Variants in CDK6 observed in about 807,000 individuals in gnomAD.
The protein encoded by CDK6 is cyclin-dependent kinase 6.
In CDK6, 6 loss-of-function variants were observed where a neutral mutation model predicts 37.1. The ratio of observed to expected loss-of-function variants is 0.16; its 90% confidence interval spans 0.09 to 0.32. The LOEUF is 0.32. CDK6 is among the 10% of genes least tolerant of loss of function. The probability of loss-of-function intolerance (pLI) is 1.00; values close to 1 mark genes in which losing one functional copy is unlikely to be tolerated. For synonymous variants in CDK6, 160 were observed against 161.3 expected (o/e 0.99, Z 0.06); for missense variants, 224 against 418.9 (o/e 0.53, Z 4.06).
chr7:92,659,410 TA>T (rs903009419), intron 5 of CDK6, among the ~76,000 whole-genome samples: 6 of 152,030 alleles, frequency 3.9e-5, no homozygotes, highest in African/African-American at 9.7e-5. Context: ...TGTACTGTGG[TA>T]AAAAAAATAT....
chr7:92,811,949 G>C (rs188991274), intron 2 of CDK6, among the ~76,000 whole-genome samples: 4 of 152,116 alleles, frequency 2.6e-5, no homozygotes, highest in Admixed American at 2.0e-4. Flanking sequence ...TCAGGAGTTC[G>C]AGATCAGCCT....
At chr7:92,658,597 C>G (rs1186430410) in intron 5 of CDK6, among the ~76,000 whole-genome samples, 1 of 152,038 alleles carries the variant, frequency 6.6e-6, no homozygotes, top group African/African-American at 2.4e-5. Context: ...CTCTCTCTCT[C>G]TCTCTCTCTC....
At chr7:92,788,981 C>A (rs1800214325) in intron 2 of CDK6, among the ~76,000 whole-genome samples, 2 of 151,734 alleles carry the variant, frequency 1.3e-5, no homozygotes, top group Non-Finnish European at 2.9e-5. Flanking sequence ...TTTAAATTAA[C>A]TGGTCGTGGT....
intron 4 of CDK6, among the ~76,000 whole-genome samples, chr7:92,687,877 A>G (rs948067461): frequency 1.3e-5 from 2 of 152,188 alleles, no homozygotes; most frequent in African/African-American, 2.4e-5. Flanking sequence ...CTTGAATTTC[A>G]TATAAAGGAA....
At chr7:92,672,162 CACATACACACACACACACACAG>C (rs1797089855) in intron 4 of CDK6, among the ~76,000 whole-genome samples, 1 of 35,782 alleles carries the variant, frequency 2.8e-5, no homozygotes, top group African/African-American at 9.8e-5. Context: ...TATATATATA[CACATACACACACACACACACAG>C]ACACATACAC....
chr7:92,631,893 G>T (rs1796061264), intron 5 of CDK6, among the ~76,000 whole-genome samples: 1 of 152,164 alleles, frequency 6.6e-6, no homozygotes, highest in Non-Finnish European at 1.5e-5. Context: ...TTTCTCTCAT[G>T]ATAGGCTGAC....
chr7:92,685,472 A>G (rs1436185346), intron 4 of CDK6, among the ~76,000 whole-genome samples: 4 of 152,340 alleles, frequency 2.6e-5, no homozygotes, highest in South Asian at 4.1e-4. Context: ...AAGAAACGCT[A>G]TATTTCCATT....
intron 4 of CDK6, among the ~76,000 whole-genome samples, chr7:92,721,083 T>A (rs916950385): frequency 1.3e-5 from 2 of 152,024 alleles, no homozygotes; most frequent in African/African-American, 4.8e-5. Flanking sequence ...AAATAACCCA[T>A]GCCAGGTGTT....
intron 2 of CDK6, among the ~76,000 whole-genome samples, chr7:92,795,265 T>C (rs1412547871): frequency 1.3e-5 from 2 of 152,140 alleles, no homozygotes; most frequent in South Asian, 2.1e-4. Context: ...AGCAATTTGC[T>C]ACACTTTAAT....
Position 92,615,358 on chromosome 7 carries a change from C to T in CDK6, c.835-72G>A, listed in dbSNP as rs192479457. The T allele has an allele frequency of 1.3e-4, 160 of 1,263,508 alleles. 1 individual carries two copies. The East Asian group carries it at 2.9e-3, about 23-fold the overall frequency. The allele number at this position is 1,263,508 out of a possible 1,614,324, so 78.3% of individuals were successfully genotyped here. On this transcript the variant is annotated intron_variant, in intron 7 of 7. Coordinates refer to ENST00000424848, the MANE Select transcript of CDK6 (RefSeq NM_001145306.2). Reference sequence around the variant, plus strand: ...TAAATAATGTACTTACAGAGTTATCCCTTTATTCACTGTCATATGTTAAGC... The same window carrying T: ...TAAATAATGTACTTACAGAGTTATCTCTTTATTCACTGTCATATGTTAAGC...
intron 5 of CDK6, among the ~76,000 whole-genome samples, chr7:92,666,823 CTG>C (rs1419142966): frequency 6.6e-6 from 1 of 152,144 alleles, no homozygotes; most frequent in East Asian, 1.9e-4. Context: ...ATACAAGACT[CTG>C]TTGCTGGTTT....
intron 3 of CDK6, among the ~76,000 whole-genome samples, chr7:92,768,301 A>G (rs1052798973): frequency 1.3e-5 from 2 of 152,208 alleles, no homozygotes; most frequent in African/African-American, 4.8e-5. Context: ...AAGATCTACT[A>G]TACTGTGAGG....
chr7:92,740,105 C>T (rs1798882922), intron 3 of CDK6, among the ~76,000 whole-genome samples: 1 of 152,126 alleles, frequency 6.6e-6, no homozygotes, highest in African/African-American at 2.4e-5. Flanking sequence ...AGAAGTCCCC[C>T]ACTGTTCACT....
At position 92,608,974 on chromosome 7, in the gene CDK6, C is replaced by A. The variant is rs1013557629; in HGVS notation, c.*6166G>T. The stretch of plus-strand genomic sequence containing the variant: ...CAGACTGGCCACTGTTATAACAAAC[C>A]CTGGGGTGGAATTCGGCCTTTCGCA... On this transcript the variant is annotated 3_prime_UTR_variant, in exon 8 of 8. Transcript: ENST00000424848. 2.1e-5 allele frequency: 5 copies of A among 232,974 alleles called. No homozygotes were observed. Among genetic ancestry groups the A allele is most frequent in the Non-Finnish European group, 4.2e-5 (5 of 117,976 alleles). The allele number at this position is 232,974 out of a possible 1,614,324, so 14.4% of individuals were successfully genotyped here. A position where few individuals can be genotyped will look rare whatever the true frequency, so the allele number is the denominator to read the frequency against.
chr7:92,671,433 G>A lies in CDK6; in HGVS notation c.640C>T (p.Arg214Cys), dbSNP rs2116602547. Residue 214 changes from arginine to cysteine, a missense_variant, in exon 5 of 8, where the codon CGT (arginine) becomes TGT (cysteine). Physicochemically the swap from Arg to Cys is radical, Grantham distance 180. Coordinates refer to ENST00000424848, the MANE Select transcript of CDK6 (RefSeq NM_001145306.2). Reference protein sequence around the residue: ...SVGCIFAEMFRRKPLFRGSSD... With the variant: ...SVGCIFAEMFCRKPLFRGSSD... ...ACAAAATGTATTTCTTACTTTCTACGAAACATTTCTGCAAATATGCAGCCA... is the reference window on the plus strand; with the variant it reads ...ACAAAATGTATTTCTTACTTTCTACAAAACATTTCTGCAAATATGCAGCCA... 15 of 1,550,748 alleles carry A rather than the reference G, an allele frequency of 9.7e-6. No homozygotes were observed. Among genetic ancestry groups the A allele is most frequent in the South Asian group, 2.4e-5 (2 of 82,018 alleles).
chr7:92,818,808 C>CA (rs1345244305), intron 2 of CDK6, among the ~76,000 whole-genome samples: 1 of 151,826 alleles, frequency 6.6e-6, no homozygotes, highest in East Asian at 1.9e-4. Flanking sequence ...GGTCAATAGC[C>CA]AAATGAAAAG....
chr7:92,700,015 T>C (rs902494854), intron 4 of CDK6, among the ~76,000 whole-genome samples: 4 of 152,184 alleles, frequency 2.6e-5, no homozygotes, highest in African/African-American at 4.8e-5. Context: ...CTATAAACTT[T>C]AGCTATCAGC....
In CDK6 at chr7:92,834,443, G is replaced by A. The variant is rs1295757919; in HGVS notation, c.-367-753C>T. On this transcript the variant is annotated intron_variant, in intron 1 of 7. Coordinates refer to ENST00000424848, the MANE Select transcript of CDK6 (RefSeq NM_001145306.2). This position sits in a 1 kb window ranked among gnomAD's most constrained non-coding sequence, Gnocchi z 4.6. ...CCTGGTGGAAACCTTGGGAAGACCA[G>A]CCATCTGGTCGGGGAGGGTTGGGGC... 6.7e-6 allele frequency among the ~76,000 whole-genome samples: 1 copy of A among 148,326 alleles called. No individual in the cohort carries two copies. Among genetic ancestry groups the A allele is most frequent in the Non-Finnish European group, 1.5e-5 (1 of 67,188 alleles).
intron 5 of CDK6, among the ~76,000 whole-genome samples, chr7:92,649,761 G>A (rs1198133941): frequency 6.6e-6 from 1 of 152,146 alleles, no homozygotes; most frequent in East Asian, 1.9e-4. Flanking sequence ...CAGACAGTCT[G>A]GCTCCAACAT....
Sources: gnomAD v4.1 joint callset for allele counts (sites outside exome capture counted in the v4.1 genomes callset) on GRCh38, gnomAD v4.1.1 for gene constraint, Gnocchi (gnomAD v3.1) non-coding constraint, MANE v1.5 for transcripts, NCBI Gene and HGNC (gene_info 2026-07-23, HGNC 2026-07-21) for gene names.